Variants in POLQ observed in about 807,000 individuals in gnomAD.
POLQ encodes the protein DNA polymerase theta.
Under a neutral mutation model 259.2 loss-of-function variants are expected in POLQ, and 233 were observed. The ratio of observed to expected loss-of-function variants is 0.90; its 90% confidence interval spans 0.81 to 1.00. The LOEUF is 1.00. Among genes scored for constraint, POLQ ranks in the 50% least tolerant of loss-of-function variants. The pLI, the probability that POLQ is intolerant of heterozygous loss-of-function variation, is 0.00. For synonymous variants in POLQ, 1,025 were observed against 1,048.8 expected (o/e 0.98, Z 0.44); for missense variants, 2,871 against 3,051.6 (o/e 0.94, Z 1.39).
chr3:121,507,932 T>C (rs1317507130), intron 12 of POLQ, among the ~76,000 whole-genome samples: 1 of 151,784 alleles, frequency 6.6e-6, no homozygotes, highest in Non-Finnish European at 1.5e-5. Flanking sequence ...TAGCTCACTA[T>C]AACCTAGAAC....
At chr3:121,506,866 T>C (rs1334113110) in intron 12 of POLQ, among the ~76,000 whole-genome samples, 3 of 151,644 alleles carry the variant, frequency 2.0e-5, no homozygotes, top group Non-Finnish European at 4.4e-5. Flanking sequence ...TGTCCATCAA[T>C]AGGGAACTGA....
intron 25 of POLQ, among the ~76,000 whole-genome samples, chr3:121,454,610 C>A (rs2047714252): frequency 6.6e-6 from 1 of 152,030 alleles, no homozygotes. Flanking sequence ...AGACTTTAAA[C>A]CAACAAAGAT....
At chr3:121,480,181 T>C (rs1442774402) in intron 19 of POLQ, among the ~76,000 whole-genome samples, 1 of 151,710 alleles carries the variant, frequency 6.6e-6, no homozygotes, top group Non-Finnish European at 1.5e-5. Flanking sequence ...AAAAAAAATA[T>C]ATATATATAG....
intron 26 of POLQ, among the ~76,000 whole-genome samples, chr3:121,445,543 T>A (rs573995626): frequency 2.0e-5 from 3 of 152,316 alleles, no homozygotes; most frequent in African/African-American, 7.2e-5. Context: ...GCTAAAGGTA[T>A]GTCAATTTTA....
intron 1 of POLQ, among the ~76,000 whole-genome samples, chr3:121,545,386 A>C (rs1204083887): frequency 4.6e-5 from 7 of 152,124 alleles, no homozygotes; most frequent in Non-Finnish European, 1.0e-4. Context: ...AGGCCCAACA[A>C]TCCTGTCTTA....
chr3:121,485,000 C>T, intron 17 of POLQ, 41 bp downstream of exon 17: 1 of 1,439,850 alleles, frequency 6.9e-7, no homozygotes, highest in Non-Finnish European at 9.5e-7. Context: ...ATGGATGTTA[C>T]AGTAATTACA....
intron 7 of POLQ, among the ~76,000 whole-genome samples, chr3:121,526,871 C>CTG (rs1553822312): frequency 6.9e-6 from 1 of 145,232 alleles, no homozygotes; most frequent in African/African-American, 2.7e-5. Flanking sequence ...GTGTGTGTCT[C>CTG]TGTATGTGTG....
chr3:121,449,476 A>G (rs747767746), intron 25 of POLQ, 50 bp from the exon 26 acceptor site: 2 of 1,012,466 alleles, frequency 2.0e-6, no homozygotes, highest in Non-Finnish European at 3.1e-6. Flanking sequence ...ATAAAATGCA[A>G]ATAAAAGGGT....
In POLQ at chr3:121,502,710, A is replaced by C. The variant is rs532720596; in HGVS notation, c.1960-4040T>G. On this transcript the variant is annotated intron_variant, in intron 12 of 29. Coordinates refer to ENST00000264233, the MANE Select transcript of POLQ (RefSeq NM_199420.4). The stretch of plus-strand genomic sequence containing the variant: ...TTAATGAAGCAAACTCTGTAAATGT[A>C]TATTTGCTCTCCTTTCTTCTCTCAG... 2.0e-5 allele frequency among the ~76,000 whole-genome samples: 3 copies of C among 152,322 alleles called. No homozygotes were observed. In the South Asian group the frequency reaches 6.2e-4, roughly 32 times the overall value.
intron 20 of POLQ, among the ~76,000 whole-genome samples, chr3:121,473,924 G>A (rs932487700): frequency 6.6e-5 from 10 of 151,910 alleles, no homozygotes; most frequent in South Asian, 2.1e-4. Flanking sequence ...ACAGGATTTC[G>A]CCATGTTGGC....
chr3:121,449,664 ATG>A (rs1216433530), intron 25 of POLQ, among the ~76,000 whole-genome samples: 1 of 152,192 alleles, frequency 6.6e-6, no homozygotes, highest in East Asian at 1.9e-4. Flanking sequence ...ATGAATAGGT[ATG>A]TGTGATCTAA....
At chr3:121,509,041 T>C (rs1184948034) in intron 12 of POLQ, among the ~76,000 whole-genome samples, 2 of 152,258 alleles carry the variant, frequency 1.3e-5, no homozygotes, top group African/African-American at 2.4e-5. Flanking sequence ...AAGTATCCTT[T>C]TAGGACTAAA....
In POLQ at chr3:121,519,968, C is replaced by G; in HGVS notation, c.1371G>C (p.Val457=). 1 of 1,612,284 alleles carries G rather than the reference C, an allele frequency of 6.2e-7. No homozygotes were observed. The highest frequency in any genetic ancestry group is 8.5e-7 in the Non-Finnish European group (1 of 1,178,426). Residue 457 remains valine, a synonymous_variant, in exon 9 of 30, where the codon GTG becomes GTC. Coordinates refer to ENST00000264233, the MANE Select transcript of POLQ (RefSeq NM_199420.4). Reference sequence around the variant, plus strand: ...CACCAAAAATAGGGGTTCGAATAATCACACGACGTGCAGGTAAATTCACCC... The same window carrying G: ...CACCAAAAATAGGGGTTCGAATAATGACACGACGTGCAGGTAAATTCACCC... ...SSGVNLPARR[V]IIRTPIFGGR... is the part of the protein sequence containing the mutation.
chr3:121,470,202 T>C (rs540307935), intron 22 of POLQ, among the ~76,000 whole-genome samples: 1 of 152,154 alleles, frequency 6.6e-6, no homozygotes, highest in East Asian at 1.9e-4. Flanking sequence ...GAGGTTGCAG[T>C]GAGCCGAGAT....
rs776930484 is a variant in POLQ at position 121,467,631 on chromosome 3, A to T, written c.6855T>A (p.Tyr2285Ter). 1.5e-4 allele frequency: 247 copies of T among 1,613,796 alleles called. 4 individuals are homozygous for T. In the South Asian group the frequency reaches 2.4e-3, roughly 16 times the overall value. ...TAGGATTCACGCTGAAACCCTTCTT[A>T]TATTTTCCTCTGTGGTGCAAACAAC... Reference protein sequence around the residue: ...KGLLPMGRGKYKKGFSVNPRC... With the variant: ...KGLLPMGRGK The change falls in exon 24 of 30, where the codon TAT becomes TAA. Residue 2285 changes from tyrosine (Y) to a stop codon, truncating the protein, a stop_gained. Coordinates refer to ENST00000264233, the MANE Select transcript of POLQ (RefSeq NM_199420.4). LOFTEE classifies it high-confidence loss of function.
chr3:121,494,447 C>T lies in POLQ; in HGVS notation c.2279-726G>A. The T allele has an allele frequency of 7.9e-6, 12 of 1,513,966 alleles. No homozygotes were observed. The South Asian group carries it at 1.0e-4, about 13-fold the overall frequency. The allele number at this position is 1,513,966 out of a possible 1,614,324, so 93.8% of individuals were successfully genotyped here. ...GTCAAGGCAAGAGAAGAAGCAGAGG[C>T]TGTTGGCCTGGGCCAAGAAGAAAGC... On this transcript the variant is annotated intron_variant, in intron 14 of 29. Transcript: ENST00000264233.
intron 22 of POLQ, among the ~76,000 whole-genome samples, chr3:121,471,289 G>C (rs2047881818): frequency 6.6e-6 from 1 of 152,010 alleles, no homozygotes; most frequent in Non-Finnish European, 1.5e-5. Context: ...GGATGCCCCA[G>C]AGGCCTACTC....
intron 2 of POLQ, among the ~76,000 whole-genome samples, chr3:121,543,295 T>C (rs1348434665): frequency 1.3e-5 from 2 of 152,214 alleles, no homozygotes; most frequent in Admixed American, 1.3e-4. Context: ...ACAAGTATTT[T>C]ATTTTTTGTA....
At chr3:121,446,588 T>C (rs1413705807) in intron 26 of POLQ, among the ~76,000 whole-genome samples, 1 of 152,182 alleles carries the variant, frequency 6.6e-6, no homozygotes, top group Non-Finnish European at 1.5e-5. Context: ...TCTAATGATA[T>C]TTGCTTTATA....
Sources: gnomAD v4.1 joint callset for allele counts (sites outside exome capture counted in the v4.1 genomes callset) on GRCh38, gnomAD v4.1.1 for gene constraint, MANE v1.5 for transcripts, NCBI Gene and HGNC (gene_info 2026-07-23, HGNC 2026-07-21) for gene names.